The following BNC2 variants were observed in gnomAD, a reference collection of about 807,000 sequenced individuals.
BNC2 encodes zinc finger protein basonuclin-2.
A neutral mutation model predicts 76.3 loss-of-function variants in BNC2; 20 were observed. The observed-to-expected ratio is 0.26, with a 90% confidence interval of 0.18 to 0.38. The LOEUF (loss-of-function observed/expected upper bound fraction) is 0.38, where lower values mean the gene tolerates loss of function less well. Among genes scored for constraint, BNC2 ranks in the 10% least tolerant of loss-of-function variants. The pLI is 1.00. For synonymous variants in BNC2, 582 were observed against 514.8 expected (o/e 1.13, Z -1.77); for missense variants, 1,382 against 1,399.8 (o/e 0.99, Z 0.20).
chr9:16,681,631 C>G (rs1822824554), intron 3 of BNC2, among the ~76,000 whole-genome samples: 3 of 152,156 alleles, frequency 2.0e-5, no homozygotes, highest in African/African-American at 7.2e-5. Context: ...ACAATGACTA[C>G]TACACTTATT....
At chr9:16,661,904 C>T (rs1822121347) in intron 3 of BNC2, among the ~76,000 whole-genome samples, 1 of 152,308 alleles carries the variant, frequency 6.6e-6, no homozygotes, top group Admixed American at 6.5e-5. Context: ...AACTCAACTA[C>T]TTAGACAACT....
chr9:16,614,361 T>C (rs1224624516), intron 3 of BNC2, among the ~76,000 whole-genome samples: 1 of 152,000 alleles, frequency 6.6e-6, no homozygotes, highest in African/African-American at 2.4e-5. Flanking sequence ...AGCACAGAGT[T>C]AGCAATCAAC....
intron 5 of BNC2, among the ~76,000 whole-genome samples, chr9:16,551,598 A>C (rs1470160707): frequency 1.3e-5 from 2 of 152,208 alleles, no homozygotes; most frequent in Non-Finnish European, 2.9e-5. Flanking sequence ...AAATTGCTTC[A>C]GATTCTACCT....
intron 4 of BNC2, among the ~76,000 whole-genome samples, chr9:16,564,144 G>C (rs993212245): frequency 2.6e-5 from 4 of 152,122 alleles, no homozygotes; most frequent in Non-Finnish European, 5.9e-5. Flanking sequence ...TTTAAAAGAT[G>C]CTCGTTGTCT....
intron 3 of BNC2, among the ~76,000 whole-genome samples, chr9:16,589,353 T>C (rs762705629): frequency 4.0e-5 from 6 of 151,512 alleles, no homozygotes; most frequent in Admixed American, 6.6e-5. Flanking sequence ...TTCTGGCTAA[T>C]TTTTGTATTT....
chr9:16,863,612 T>C (rs910168073), intron 1 of BNC2, among the ~76,000 whole-genome samples: 2 of 152,156 alleles, frequency 1.3e-5, no homozygotes, highest in African/African-American at 4.8e-5. Context: ...GGAGAATCTC[T>C]TGAACCCAGG....
intron 1 of BNC2, among the ~76,000 whole-genome samples, chr9:16,792,420 G>A (rs1025514909): frequency 9.2e-5 from 14 of 152,062 alleles, no homozygotes; most frequent in Admixed American, 4.6e-4. Context: ...CATTGAGAAG[G>A]GTATAATATT....
chr9:16,617,077 T>C (rs2133525767), intron 3 of BNC2, among the ~76,000 whole-genome samples: 1 of 152,298 alleles, frequency 6.6e-6, no homozygotes. Context: ...GGAGTAACTA[T>C]TCAGACAACC....
At position 16,840,217 on chromosome 9, in the gene BNC2, A is replaced by G. The variant is rs549938047; in HGVS notation, c.3+30429T>C. 6.0e-4 allele frequency among the ~76,000 whole-genome samples: 91 copies of G among 152,314 alleles called. No homozygotes were observed. In the South Asian group the frequency reaches 0.017, roughly 29 times the overall value. ...ACCACAGAGCCTATCTGCAATGTTTATCACATACCCACTAAACCTTACTAT... is the reference window on the plus strand; with the variant it reads ...ACCACAGAGCCTATCTGCAATGTTTGTCACATACCCACTAAACCTTACTAT... On this transcript the variant is annotated intron_variant, in intron 1 of 6. Transcript: ENST00000380672.
chr9:16,616,931 G>T (rs1371586885), intron 3 of BNC2, among the ~76,000 whole-genome samples: 1 of 152,018 alleles, frequency 6.6e-6, no homozygotes, highest in Admixed American at 6.6e-5. Flanking sequence ...TGTCCTAGTT[G>T]CCACCACTTG....
intron 1 of BNC2, among the ~76,000 whole-genome samples, chr9:16,847,800 G>A (rs946661053): frequency 6.6e-6 from 1 of 152,170 alleles, no homozygotes; most frequent in Non-Finnish European, 1.5e-5. Flanking sequence ...ATACACCTGA[G>A]AATCTACGGA....
chr9:16,641,313 T>G (rs1015911853), intron 3 of BNC2, among the ~76,000 whole-genome samples: 1 of 152,168 alleles, frequency 6.6e-6, no homozygotes, highest in Non-Finnish European at 1.5e-5. Flanking sequence ...GAAAAGATCT[T>G]AAATTATAAC....
chr9:16,667,318 C>T (rs577588824), intron 3 of BNC2, among the ~76,000 whole-genome samples: 3 of 152,170 alleles, frequency 2.0e-5, no homozygotes, highest in Admixed American at 6.5e-5. Flanking sequence ...CAAATTTAAC[C>T]GGCCTATACA....
At chr9:16,794,478 C>T (rs1817593815) in intron 1 of BNC2, among the ~76,000 whole-genome samples, 1 of 152,142 alleles carries the variant, frequency 6.6e-6, no homozygotes, top group South Asian at 2.1e-4. Context: ...ACAGGGTTGG[C>T]ATTAAAATTC....
At chr9:16,558,885 G>C (rs1312159206) in intron 4 of BNC2, among the ~76,000 whole-genome samples, 1 of 148,310 alleles carries the variant, frequency 6.7e-6, no homozygotes, top group Non-Finnish European at 1.5e-5. Flanking sequence ...AGTGAGCTGA[G>C]ATTGTGCCAC....
At chr9:16,620,687 T>A (rs1373049994) in intron 3 of BNC2, among the ~76,000 whole-genome samples, 1 of 152,216 alleles carries the variant, frequency 6.6e-6, no homozygotes, top group East Asian at 1.9e-4. Flanking sequence ...AACTCCCTTT[T>A]TTCAGTGTTA....
chr9:16,501,945 G>C (rs1466138474), intron 5 of BNC2, among the ~76,000 whole-genome samples: 1 of 152,174 alleles, frequency 6.6e-6, no homozygotes, highest in East Asian at 1.9e-4. Context: ...AAGACACTTT[G>C]CCATTTTCTT....
chr9:16,842,312 T>C (rs72713818), intron 1 of BNC2, among the ~76,000 whole-genome samples: 11,102 of 152,316 alleles, frequency 0.073, 555 homozygotes, highest in Non-Finnish European at 0.11. Flanking sequence ...TGATACTTTC[T>C]GTTTCTGTGA....
intron 3 of BNC2, among the ~76,000 whole-genome samples, chr9:16,698,873 T>A (rs1381775821): frequency 6.6e-6 from 1 of 152,192 alleles, no homozygotes; most frequent in African/African-American, 2.4e-5. Flanking sequence ...ACATTAACAG[T>A]TCCTTGGTGA....
Sources: gnomAD v4.1 joint callset for allele counts (sites outside exome capture counted in the v4.1 genomes callset) on GRCh38, gnomAD v4.1.1 for gene constraint, MANE v1.5 for transcripts, NCBI Gene and HGNC (gene_info 2026-07-23, HGNC 2026-07-21) for gene names.